The following IL1RAPL2 variants were observed in gnomAD, a reference collection of about 807,000 sequenced individuals.
The protein encoded by IL1RAPL2 is X-linked interleukin-1 receptor accessory protein-like 2.
IL1RAPL2 carries 3 observed loss-of-function variants against 44.1 expected under a neutral mutation model. The ratio of observed to expected loss-of-function variants is 0.07; its 90% confidence interval spans 0.03 to 0.18. IL1RAPL2 has a LOEUF of 0.18. Among genes scored for constraint, IL1RAPL2 ranks in the 10% least tolerant of loss-of-function variants. The pLI is 1.00. For synonymous variants in IL1RAPL2, 181 were observed against 178.8 expected (o/e 1.01, Z -0.10); for missense variants, 391 against 496.4 (o/e 0.79, Z 2.02).
At chrX:105,226,385 CTTTTTTTTTTTTTT>C (rs35192051) in intron 3 of IL1RAPL2, among the ~76,000 whole-genome samples, 17 of 53,354 alleles carry the variant, frequency 3.2e-4, no homozygotes, top group Admixed American at 2.6e-3. Context: ...TTTCTTTTCC[CTTTTTTTTTTTTTT>C]TTTTTTTTTT....
chrX:104,939,715 T>G (rs977093091), intron 2 of IL1RAPL2, among the ~76,000 whole-genome samples: 2 of 111,735 alleles, frequency 1.8e-5, no homozygotes, highest in African/African-American at 3.3e-5. Context: ...AACAGATGAA[T>G]GGATAAAGAA....
intron 4 of IL1RAPL2, among the ~76,000 whole-genome samples, chrX:105,257,405 A>G (rs186542485): frequency 9.0e-4 from 101 of 111,914 alleles, no homozygotes; most frequent in Non-Finnish European, 1.5e-3. Context: ...AGAAGAATAT[A>G]TATTCTGTTG....
chrX:105,606,633 C>G (rs1238389036), intron 6 of IL1RAPL2, among the ~76,000 whole-genome samples: 1 of 111,340 alleles, frequency 9.0e-6, no homozygotes, highest in Non-Finnish European at 1.9e-5. Context: ...TCACAATAAC[C>G]AAGATATTGC....
At chrX:104,935,547 T>C (rs1038316514) in intron 2 of IL1RAPL2, among the ~76,000 whole-genome samples, 7 of 112,129 alleles carry the variant, frequency 6.2e-5, no homozygotes, top group African/African-American at 2.3e-4. Context: ...AAAGAAAGCT[T>C]CATAGAACAA....
intron 2 of IL1RAPL2, among the ~76,000 whole-genome samples, chrX:104,771,860 G>GA (rs909644922): frequency 2.7e-5 from 3 of 111,563 alleles, no homozygotes; most frequent in Non-Finnish European, 5.6e-5. Flanking sequence ...ATAATGATCA[G>GA]AAAAAAACTT....
At chrX:105,067,936 A>T (rs2032159074) in intron 2 of IL1RAPL2, among the ~76,000 whole-genome samples, 1 of 112,138 alleles carries the variant, frequency 8.9e-6, no homozygotes, top group African/African-American at 3.2e-5. Flanking sequence ...GTTTATGAAT[A>T]CTGAGGAATA....
intron 6 of IL1RAPL2, among the ~76,000 whole-genome samples, chrX:105,490,356 T>C (rs988355130): frequency 8.9e-6 from 1 of 112,061 alleles, no homozygotes; most frequent in African/African-American, 3.2e-5. Flanking sequence ...TGATCCAGTA[T>C]AAAAGATTCT....
At chrX:104,643,634 T>G (rs905222472) in intron 1 of IL1RAPL2, among the ~76,000 whole-genome samples, 2 of 111,240 alleles carry the variant, frequency 1.8e-5, no homozygotes, top group Non-Finnish European at 3.8e-5. Context: ...TCCTGATTTG[T>G]GCTGAATATG....
intron 5 of IL1RAPL2, among the ~76,000 whole-genome samples, chrX:105,288,362 A>G (rs2147667346): frequency 9.1e-6 from 1 of 109,976 alleles, no homozygotes; most frequent in East Asian, 2.9e-4. Context: ...ATATTGGGGT[A>G]AATTAAATCC....
At chrX:104,576,172 A>G (rs1255996408) in intron 1 of IL1RAPL2, among the ~76,000 whole-genome samples, 1 of 111,235 alleles carries the variant, frequency 9.0e-6, no homozygotes, top group Non-Finnish European at 1.9e-5. Context: ...CAATTTTTAG[A>G]TGAGGAAACT....
Position 105,252,837 on chromosome X carries a change from G to C in IL1RAPL2, c.544-14551G>C, listed in dbSNP as rs146920267. 3.3e-3 allele frequency among the ~76,000 whole-genome samples: 367 copies of C among 111,768 alleles called. 3 individuals are homozygous for C. The highest frequency in any genetic ancestry group is 0.011 in the African/African-American group (348 of 30,822). On this transcript the variant is annotated intron_variant, in intron 4 of 10. Coordinates refer to ENST00000372582, the MANE Select transcript of IL1RAPL2 (RefSeq NM_017416.2). ...TTATGAGATAGGCTACACGGTGGCA[G>C]AGCTGAATTTGAACCCTGACGGTGT...
At chrX:105,009,133 G>A (rs1416530541) in intron 2 of IL1RAPL2, among the ~76,000 whole-genome samples, 2 of 111,497 alleles carry the variant, frequency 1.8e-5, no homozygotes, top group Admixed American at 9.5e-5. Context: ...AAATAGGAAT[G>A]CTTTTACACT....
At chrX:105,085,623 A>T (rs1274055477) in intron 2 of IL1RAPL2, among the ~76,000 whole-genome samples, 2 of 111,922 alleles carry the variant, frequency 1.8e-5, no homozygotes, top group Middle Eastern at 4.6e-3. Context: ...AGTTTCTGAA[A>T]AAACTAAAAC....
intron 2 of IL1RAPL2, among the ~76,000 whole-genome samples, chrX:105,008,676 C>G (rs1242662886): frequency 9.0e-6 from 1 of 111,127 alleles, no homozygotes; most frequent in African/African-American, 3.3e-5. Context: ...CAATACCATT[C>G]AGGATATAGG....
chrX:104,838,569 A>C (rs1023181301), intron 2 of IL1RAPL2, among the ~76,000 whole-genome samples: 2 of 110,872 alleles, frequency 1.8e-5, no homozygotes, highest in African/African-American at 6.6e-5. Context: ...TTGCATATTG[A>C]TTTTGTATCC....
chrX:104,751,386 T>A (rs2147583868), intron 2 of IL1RAPL2, among the ~76,000 whole-genome samples: 1 of 111,619 alleles, frequency 9.0e-6, no homozygotes, highest in South Asian at 3.7e-4. Context: ...TAATTATAAG[T>A]GGGACTAAGT....
intron 5 of IL1RAPL2, among the ~76,000 whole-genome samples, chrX:105,303,650 C>T (rs2034712955): frequency 8.9e-6 from 1 of 112,270 alleles, no homozygotes; most frequent in African/African-American, 3.2e-5. Flanking sequence ...CCAGCTTGCC[C>T]ACACACAAAT....
intron 2 of IL1RAPL2, among the ~76,000 whole-genome samples, chrX:104,812,845 G>A (rs139586477): frequency 4.2e-3 from 468 of 111,169 alleles, no homozygotes; most frequent in Non-Finnish European, 6.9e-3. Flanking sequence ...GGAAGGATGT[G>A]TAGAGAAGGA....
At chrX:105,036,115 G>A (rs1459285049) in intron 2 of IL1RAPL2, among the ~76,000 whole-genome samples, 1 of 111,175 alleles carries the variant, frequency 9.0e-6, no homozygotes, top group African/African-American at 3.3e-5. Flanking sequence ...TCCCAAATTT[G>A]ACCAATGTCT....
Sources: gnomAD v4.1 joint callset for allele counts (sites outside exome capture counted in the v4.1 genomes callset) on GRCh38, gnomAD v4.1.1 for gene constraint, MANE v1.5 for transcripts, NCBI Gene and HGNC (gene_info 2026-07-23, HGNC 2026-07-21) for gene names.